The following NEDD4L variants were observed in gnomAD, a reference collection of about 807,000 sequenced individuals.
The protein encoded by NEDD4L is E3 ubiquitin-protein ligase NEDD4-like.
In NEDD4L, 54 loss-of-function variants were observed where a neutral mutation model predicts 148.9. The observed-to-expected ratio is 0.36, with a 90% CI of 0.29 to 0.45. NEDD4L has a LOEUF of 0.45. NEDD4L is among the 20% of genes least tolerant of loss of function. The pLI is 1.00. For synonymous variants in NEDD4L, 433 were observed against 440.7 expected (o/e 0.98, Z 0.22); for missense variants, 856 against 1,233.8 (o/e 0.69, Z 4.59).
Position 58,143,759 on chromosome 18 carries a change from G to A in NEDD4L, c.49-22029G>A, listed in dbSNP as rs145807640. On this transcript the variant is annotated intron_variant, in intron 1 of 30. Transcript: ENST00000400345. ...GTGGTCCCTGTGAAGAAGACACAGC[G>A]GCCGGTGGTGTGACAGCCCACAGCT... Among the ~76,000 whole-genome samples, 136 of 152,302 alleles carry A rather than the reference G, an allele frequency of 8.9e-4. 4 individuals carry two copies. The East Asian group carries it at 0.022, about 25-fold the overall frequency.
At chr18:58,190,852 A>G (rs2147178776) in intron 2 of NEDD4L, among the ~76,000 whole-genome samples, 1 of 152,332 alleles carries the variant, frequency 6.6e-6, no homozygotes, top group East Asian at 1.9e-4. Flanking sequence ...AAGGCTGGGT[A>G]TGGTGGCTTA....
In NEDD4L at chr18:58,304,041, C is replaced by T. The variant is rs1386002545; in HGVS notation, c.298-11941C>T. 3.9e-5 allele frequency among the ~76,000 whole-genome samples: 6 copies of T among 152,142 alleles called. No individual in the cohort carries two copies. In the South Asian group the frequency reaches 1.2e-3, roughly 32 times the overall value. On this transcript the variant is annotated intron_variant, in intron 5 of 30. Coordinates refer to ENST00000400345, the MANE Select transcript of NEDD4L (RefSeq NM_001144967.3). ...CTTCTTCCCCCTGACCCCACACCTG[C>T]CTCCCAGGGACGTTTGACAGTTTTG...
intron 13 of NEDD4L, 67 bp from the exon 14 acceptor site, chr18:58,340,971 T>C: frequency 1.3e-6 from 2 of 1,487,636 alleles, no homozygotes; most frequent in South Asian, 2.6e-5. Context: ...GGGTGTACCT[T>C]ACTTTATTAA....
chr18:58,089,394 C>G (rs2083940109), intron 1 of NEDD4L, among the ~76,000 whole-genome samples: 1 of 152,068 alleles, frequency 6.6e-6, no homozygotes, highest in Non-Finnish European at 1.5e-5. Flanking sequence ...CTCAGACTTC[C>G]AAAGAGCTGG....
chr18:58,179,177 TG>T (rs1184366573), intron 2 of NEDD4L, among the ~76,000 whole-genome samples: 3 of 152,204 alleles, frequency 2.0e-5, no homozygotes, highest in African/African-American at 7.2e-5. Flanking sequence ...GGTGGTGTAC[TG>T]GCTCTCTGGA....
chr18:58,179,368 G>A (rs558426859), intron 2 of NEDD4L, among the ~76,000 whole-genome samples: 4 of 152,120 alleles, frequency 2.6e-5, no homozygotes, highest in African/African-American at 9.7e-5. Flanking sequence ...ATCTGTCTCC[G>A]TGATGGCCTC....
intron 4 of NEDD4L, among the ~76,000 whole-genome samples, chr18:58,250,268 A>G (rs781014683): frequency 1.1e-4 from 16 of 149,568 alleles, no homozygotes; most frequent in Non-Finnish European, 3.0e-5. Flanking sequence ...TCCTGCCTCA[A>G]CCTCCTGAGT....
chr18:58,389,181 T>C lies in NEDD4L; in HGVS notation c.2644T>C (p.Trp882Arg), dbSNP rs745860270. The part of the protein sequence containing the change: ...GYCPNHPVIQ[W>R]FWKAVLLMDA... Reference sequence around the variant, plus strand: ...CTGCCCAAACCACCCCGTCATTCAGTGGTTCTGGAAGGTAACTCCGGGGCC... The same window carrying C: ...CTGCCCAAACCACCCCGTCATTCAGCGGTTCTGGAAGGTAACTCCGGGGCC... Residue 882 changes from tryptophan to arginine, a missense_variant, in exon 28 of 31, where the codon TGG becomes CGG. Physicochemically the swap from Trp to Arg is moderately radical, Grantham distance 101. Transcript: ENST00000400345. 6.2e-7 allele frequency: 1 copy of C among 1,613,398 alleles called. No individual in the cohort carries two copies. Among genetic ancestry groups the C allele is most frequent in the Non-Finnish European group, 8.5e-7 (1 of 1,179,446 alleles).
intron 19 of NEDD4L, chr18:58,357,534 G>A (rs2044849129): frequency 5.0e-6 from 3 of 595,208 alleles, no homozygotes; most frequent in Non-Finnish European, 6.3e-6. Context: ...TATAAGTATA[G>A]TCAAAATTCC....
chr18:58,322,236 G>A (rs1274987994), intron 6 of NEDD4L, among the ~76,000 whole-genome samples, 189 bp from the exon 7 acceptor site: 2 of 152,160 alleles, frequency 1.3e-5, no homozygotes, highest in Non-Finnish European at 2.9e-5. Context: ...AAAACCCGGT[G>A]TGGATAGTGA....
At chr18:58,130,831 C>G (rs1357377944) in intron 1 of NEDD4L, among the ~76,000 whole-genome samples, 1 of 112,748 alleles carries the variant, frequency 8.9e-6, no homozygotes. Context: ...GTAGTGTTGG[C>G]CTTTGTTGGG....
At chr18:58,313,305 A>G (rs1601084976) in intron 5 of NEDD4L, among the ~76,000 whole-genome samples, 3 of 152,222 alleles carry the variant, frequency 2.0e-5, no homozygotes, top group Admixed American at 1.3e-4. Flanking sequence ...GATAAAAGGT[A>G]TAAGTGTAGT....
Position 58,397,207 on chromosome 18 carries a change from CT to C in NEDD4L, c.*940del, listed in dbSNP as rs927623019. ...ACATTTTGAATGAAACTTGGCACTGCTTGATTCAAAACTGTGGAAACCAGAT... is the reference window on the plus strand; with the variant it reads ...ACATTTTGAATGAAACTTGGCACTGCTGATTCAAAACTGTGGAAACCAGAT... On this transcript the variant is annotated 3_prime_UTR_variant, in exon 31 of 31. Coordinates refer to ENST00000400345, the MANE Select transcript of NEDD4L (RefSeq NM_001144967.3). The C allele has an allele frequency of 3.9e-5, 6 of 152,570 alleles. No homozygotes were observed. The highest frequency in any genetic ancestry group is 1.4e-4 in the African/African-American group (6 of 41,420). The allele number at this position is 152,570 out of a possible 1,614,324, so 9.5% of individuals were successfully genotyped here. A position where few individuals can be genotyped will look rare whatever the true frequency, so the allele number is the denominator to read the frequency against.
At chr18:58,187,819 C>T (rs1044729534) in intron 2 of NEDD4L, among the ~76,000 whole-genome samples, 2 of 152,098 alleles carry the variant, frequency 1.3e-5, no homozygotes, top group Non-Finnish European at 2.9e-5. Flanking sequence ...CCACCGCCCC[C>T]CACCCCCATG....
intron 2 of NEDD4L, among the ~76,000 whole-genome samples, chr18:58,192,564 A>G (rs2040227060): frequency 6.6e-6 from 1 of 152,034 alleles, no homozygotes; most frequent in Non-Finnish European, 1.5e-5. Context: ...ACAGTTTACC[A>G]CTCACTTTAA....
In NEDD4L at chr18:58,066,387, G is replaced by GTTT. The variant is rs368243667; in HGVS notation, c.48+21700_48+21702dup. On this transcript the variant is annotated intron_variant, in intron 1 of 30. Coordinates refer to ENST00000400345, the MANE Select transcript of NEDD4L (RefSeq NM_001144967.3). ...GTAAATTTAGATCCACTCTGTATTA[G>GTTT]TTTTTTTTTTTTTTTTTTTTTTTAA... is the stretch of plus-strand genomic sequence containing the variant. 8.0e-3 allele frequency among the ~76,000 whole-genome samples: 893 copies of GTTT among 112,014 alleles called. 33 individuals are homozygous for GTTT. The highest frequency in any genetic ancestry group is 0.025 in the African/African-American group (836 of 33,346). The allele number at this position is 112,014 out of a possible 152,430, so 73.5% of individuals were successfully genotyped here. A position where few individuals can be genotyped will look rare whatever the true frequency, so the allele number is the denominator to read the frequency against.
chr18:58,223,150 T>C (rs7233095), intron 2 of NEDD4L, among the ~76,000 whole-genome samples: 6,171 of 152,194 alleles, frequency 0.041, 290 homozygotes, highest in East Asian at 0.12. Context: ...AAATGCTTTT[T>C]ATTTAGTTAA....
rs180781779 is a variant in NEDD4L, at chr18:58,091,804, C to G, written c.48+47096C>G. Among the ~76,000 whole-genome samples, 10 of 152,294 alleles carry G rather than the reference C, an allele frequency of 6.6e-5. No homozygotes were observed. The East Asian group carries it at 1.9e-3, about 29-fold the overall frequency. On this transcript the variant is annotated intron_variant, in intron 1 of 30. Coordinates refer to ENST00000400345, the MANE Select transcript of NEDD4L (RefSeq NM_001144967.3). ...TCTGCACTGTGGCATGAGAGTTTGT[C>G]TTAATGTAAATGCACATGTAATAGC...
chr18:58,369,738 A>G (rs2046594056), intron 22 of NEDD4L, among the ~76,000 whole-genome samples: 1 of 152,102 alleles, frequency 6.6e-6, no homozygotes, highest in South Asian at 2.1e-4. Flanking sequence ...ATCAGGTGAA[A>G]TGGAGGCACC....
Sources: gnomAD v4.1 joint callset for allele counts (sites outside exome capture counted in the v4.1 genomes callset) on GRCh38, gnomAD v4.1.1 for gene constraint, MANE v1.5 for transcripts, NCBI Gene and HGNC (gene_info 2026-07-23, HGNC 2026-07-21) for gene names.